The following OSGIN1 variants were observed in gnomAD, a reference collection of about 807,000 sequenced individuals.
The protein encoded by OSGIN1 is oxidative stress induced growth inhibitor 1.
In OSGIN1, 19 loss-of-function variants were observed where a neutral mutation model predicts 20.1. That is an observed-to-expected ratio of 0.95 (90% CI 0.66 to 1.39). The LOEUF (loss-of-function observed/expected upper bound fraction) is 1.39. Among genes scored for constraint, OSGIN1 ranks in the 40% most tolerant of loss-of-function variants. The pLI, the probability that OSGIN1 is intolerant of heterozygous loss-of-function variation, is 0.00. For missense variants in OSGIN1, 820 were observed against 653.0 expected, an observed-to-expected ratio of 1.26 and a Z score of -2.79; for synonymous variants, 368 against 297.8, an observed-to-expected ratio of 1.24 and a Z score of -2.43.
intron 1 of OSGIN1, among the ~76,000 whole-genome samples, chr16:83,956,023 C>G (rs2151074865): frequency 6.6e-6 from 1 of 152,354 alleles, no homozygotes; most frequent in African/African-American, 2.4e-5. Flanking sequence ...ACCCTCGGAG[C>G]CTCCTTCTCC....
rs1241182580 is a variant in OSGIN1, at chr16:83,965,106, A to T, written c.533A>T (p.Tyr178Phe). 1.2e-6 allele frequency: 2 copies of T among 1,612,536 alleles called. No homozygotes were observed. Among genetic ancestry groups the T allele is most frequent in the Non-Finnish European group, 1.7e-6 (2 of 1,179,586 alleles). ...GCCACTGCCGGGGACATCGCCCACTACTACAGGGACTACGTGGTCAAGAAG... is the reference window on the plus strand; with the variant it reads ...GCCACTGCCGGGGACATCGCCCACTTCTACAGGGACTACGTGGTCAAGAAG... ...SRATAGDIAHYYRDYVVKKGL... is the reference protein window; with the variant it reads ...SRATAGDIAHFYRDYVVKKGL... The change falls in exon 6 of 6, where the codon TAC (tyrosine) becomes TTC (phenylalanine). Residue 178 changes from tyrosine (Y) to phenylalanine (F), a missense_variant. Coordinates refer to ENST00000393306, the MANE Select transcript of OSGIN1 (RefSeq NM_182981.3).
chr16:83,965,344 C>T lies in OSGIN1; in HGVS notation c.771C>T (p.Ile257=), dbSNP rs1339790984. Residue 257 remains isoleucine (I), a synonymous_variant, in exon 6 of 6, where the codon ATC becomes ATT. Coordinates refer to ENST00000393306, the MANE Select transcript of OSGIN1 (RefSeq NM_182981.3). The stretch of plus-strand genomic sequence containing the variant: ...TCGACAGCCCGGCCCGGCTGGGCAT[C>T]CCCGGGGAGGCCCTGCCCTTCATCC... ...GTFDSPARLG[I]PGEALPFIHH... The T allele has an allele frequency of 1.3e-6, 2 of 1,572,404 alleles. No homozygotes were observed. Among genetic ancestry groups the T allele is most frequent in the Non-Finnish European group, 1.7e-6 (2 of 1,160,936 alleles).
In OSGIN1 at chr16:83,960,934, G is replaced by T. The variant is rs369993951; in HGVS notation, c.397-47G>T. The stretch of plus-strand genomic sequence containing the variant: ...CTCCCATGCCCTCTAGCCCCAAATG[G>T]GTTCAGGCGAGCAGAGGCCTGGACC... On this transcript the variant is annotated intron_variant, in intron 4 of 5. Coordinates refer to ENST00000393306, the MANE Select transcript of OSGIN1 (RefSeq NM_182981.3). The T allele has an allele frequency of 1.5e-5, 24 of 1,586,562 alleles. No individual in the cohort carries two copies. In the African/African-American group the frequency reaches 2.0e-4, roughly 13 times the overall value.
chr16:83,965,863 C>A lies in OSGIN1; in HGVS notation c.1290C>A (p.Asp430Glu). 6.2e-7 allele frequency: 1 copy of A among 1,612,966 alleles called. No individual in the cohort carries two copies. Among genetic ancestry groups the A allele is most frequent in the South Asian group, 1.1e-5 (1 of 91,092 alleles). ...LSAKRNPIDV[D>E]PFTYQSTRQE... ...CCAAGAGGAACCCCATTGACGTGGA[C>A]CCCTTCACCTACCAGAGCACCCGCC... Residue 430 changes from aspartate (D) to glutamate (E), a missense_variant, in exon 6 of 6, where the codon GAC becomes GAA. Asp to Glu is a conservative substitution (Grantham distance 45). Coordinates refer to ENST00000393306, the MANE Select transcript of OSGIN1 (RefSeq NM_182981.3).
chr16:83,957,116 T>G (rs1406771315), intron 1 of OSGIN1: 1 of 154,492 alleles, frequency 6.5e-6, no homozygotes, highest in Non-Finnish European at 1.4e-5. Context: ...TCAACCACCC[T>G]AGGAGGTAGG....
At chr16:83,960,529 C>A (rs1909152893) in intron 3 of OSGIN1, 40 bp from the exon 4 acceptor site, 7 of 1,544,886 alleles carry the variant, frequency 4.5e-6, no homozygotes, top group Non-Finnish European at 6.2e-6. Context: ...GACGACCCCG[C>A]CCTCCTCCAG....
chr16:83,964,961 C>G, intron 5 of OSGIN1, 101 bp from the exon 6 acceptor site: 1 of 785,726 alleles, frequency 1.3e-6, no homozygotes, highest in South Asian at 1.7e-5. Context: ...ACAGCCTAGT[C>G]CAGCTCCAGG....
intron 1 of OSGIN1, chr16:83,956,912 A>G (rs1340891654): frequency 3.9e-5 from 6 of 152,176 alleles, no homozygotes; most frequent in Non-Finnish European, 8.8e-5. Flanking sequence ...CCTTTGAGCG[A>G]TTTGGGCCTG....
rs917902764 is a variant in OSGIN1 at position 83,960,592 on chromosome 16, C to A, written c.228C>A (p.Gly76=). 1.1e-5 allele frequency: 17 copies of A among 1,613,366 alleles called. No individual in the cohort carries two copies. Among genetic ancestry groups the A allele is most frequent in the Admixed American group, 3.3e-5 (2 of 60,022 alleles). ...LDQDLDYLSE[G]LEGRSQSPVA... Reference sequence around the variant, plus strand: ...AGGACCTGGACTACCTGTCCGAAGGCCTCGAAGGCCGATCCCAAAGCCCCG... The same window carrying A: ...AGGACCTGGACTACCTGTCCGAAGGACTCGAAGGCCGATCCCAAAGCCCCG... The change falls in exon 4 of 6, where the codon GGC becomes GGA. Residue 76 remains glycine (G), a synonymous_variant. Coordinates refer to ENST00000393306, the MANE Select transcript of OSGIN1 (RefSeq NM_182981.3).
chr16:83,962,548 G>A (rs1481715902), intron 5 of OSGIN1, among the ~76,000 whole-genome samples: 1 of 152,188 alleles, frequency 6.6e-6, no homozygotes, highest in African/African-American at 2.4e-5. Flanking sequence ...GCTAATTTAG[G>A]AAGTTTAATT....
intron 2 of OSGIN1, 97 bp from the exon 3 acceptor site, chr16:83,959,163 A>T: frequency 1.2e-6 from 1 of 804,746 alleles, no homozygotes; most frequent in Non-Finnish European, 2.1e-6. Flanking sequence ...AATGAAGGAT[A>T]AATGAATGAA....
chr16:83,955,794 A>T (rs1355287304), intron 1 of OSGIN1, among the ~76,000 whole-genome samples: 1 of 152,132 alleles, frequency 6.6e-6, no homozygotes, highest in East Asian at 1.9e-4. Context: ...GAGCATGAAG[A>T]GGCCATGTGG....
chr16:83,965,183 G>C lies in OSGIN1; in HGVS notation c.610G>C (p.Gly204Arg), dbSNP rs949617179. 6.2e-7 allele frequency: 1 copy of C among 1,613,344 alleles called. No individual in the cohort carries two copies. The highest frequency in any genetic ancestry group is 1.1e-5 in the South Asian group (1 of 91,092). ...TGCTGTAGTCACAGCCGTGGAGTGG[G>C]GGACCCCCGATCCCAGCAGCTGTGG... The part of the protein sequence containing the change: ...SGAVVTAVEW[G>R]TPDPSSCGAQ... The change falls in exon 6 of 6, where the codon GGG (glycine) becomes CGG (arginine). Residue 204 changes from glycine (G) to arginine (R), a missense_variant. Transcript: ENST00000393306.
Position 83,965,904 on chromosome 16 carries a change from C to G in OSGIN1, c.1331C>G (p.Ala444Gly). The change falls in exon 6 of 6, where the codon GCC becomes GGC. Residue 444 changes from alanine (A) to glycine (G), a missense_variant. Ala to Gly is a moderately conservative substitution (Grantham distance 60). Coordinates refer to ENST00000393306, the MANE Select transcript of OSGIN1 (RefSeq NM_182981.3). ...YQSTRQEGLY[A>G]MGPLAGDNFV... ...AGCACCCGCCAGGAGGGCCTGTACG[C>G]CATGGGGCCGCTGGCCGGGGACAAC... 1 of 1,612,854 alleles carries G rather than the reference C, an allele frequency of 6.2e-7. No homozygotes were observed. The highest frequency in any genetic ancestry group is 8.5e-7 in the Non-Finnish European group (1 of 1,179,994).
chr16:83,966,135 C>A lies in OSGIN1; in HGVS notation c.*128C>A, dbSNP rs750671183. 4 of 753,978 alleles carry A rather than the reference C, an allele frequency of 5.3e-6. No homozygotes were observed. The Admixed American group carries it at 9.0e-5, about 17-fold the overall frequency. 46.7% of individuals were successfully genotyped at this position (753,978 alleles called of 1,614,324 possible). ...AGCCCACGTTGCTGGCCTTTGGGGT[C>A]AAGAGGAGTAGGGATCCCAGGCTGC... is the stretch of plus-strand genomic sequence containing the variant. On this transcript the variant is annotated 3_prime_UTR_variant, in exon 6 of 6. Transcript: ENST00000393306.
At chr16:83,964,317 A>T (rs2084251640) in intron 5 of OSGIN1, among the ~76,000 whole-genome samples, 1 of 148,748 alleles carries the variant, frequency 6.7e-6, no homozygotes, top group Admixed American at 6.6e-5. Context: ...AAATTAAAAT[A>T]AAATAAAATA....
intron 4 of OSGIN1, 53 bp from the exon 5 acceptor site, chr16:83,960,928 C>T: frequency 4.4e-6 from 7 of 1,578,614 alleles, no homozygotes; most frequent in Non-Finnish European, 6.1e-6. Flanking sequence ...CCTCTAGCCC[C>T]AAATGGGTTC....
chr16:83,962,781 C>T (rs1366148054), intron 5 of OSGIN1, among the ~76,000 whole-genome samples: 1 of 152,150 alleles, frequency 6.6e-6, no homozygotes, highest in Non-Finnish European at 1.5e-5. Flanking sequence ...TGCATTCTTT[C>T]GAGTTTCTTA....
chr16:83,962,734 G>A lies in OSGIN1; in HGVS notation c.488+1662G>A, dbSNP rs1313203179. Among the ~76,000 whole-genome samples the A allele has an allele frequency of 2.0e-5, 3 of 152,216 alleles. No homozygotes were observed. The South Asian group carries it at 6.2e-4, about 31-fold the overall frequency. On this transcript the variant is annotated intron_variant, in intron 5 of 5. Coordinates refer to ENST00000393306, the MANE Select transcript of OSGIN1 (RefSeq NM_182981.3). ...GGCGGGACAACTCCAGCAGGGAGGG[G>A]TGTTTCCAGGTCTCAGACAGGTGAG...
Sources: allele counts gnomAD v4.1 joint callset (sites outside exome capture counted in the v4.1 genomes callset), GRCh38; gene constraint gnomAD v4.1.1; transcripts MANE v1.5; gene names NCBI Gene and HGNC (gene_info 2026-07-23, HGNC 2026-07-21).